Variants in TRDN observed in about 807,000 individuals in gnomAD.
TRDN encodes the protein triadin in skeletal muscle.
TRDN carries 161 observed loss-of-function variants against 149.7 expected under a neutral mutation model. The ratio of observed to expected loss-of-function variants is 1.08; its 90% CI spans 0.95 to 1.23. The LOEUF is 1.23. Among genes scored for constraint, TRDN ranks in the 50% most tolerant of loss-of-function variants. The pLI is 0.00. For missense variants in TRDN, 896 were observed against 823.5 expected, an observed-to-expected ratio of 1.09 and a Z score of -1.08; for synonymous variants, 294 against 250.5, an observed-to-expected ratio of 1.17 and a Z score of -1.64.
intron 5 of TRDN, among the ~76,000 whole-genome samples, chr6:123,526,303 T>TA (rs1417746172): frequency 1.3e-5 from 2 of 152,012 alleles, no homozygotes; most frequent in East Asian, 3.9e-4. Context: ...AACTGATAGA[T>TA]ATGTACAAAT....
intron 10 of TRDN, among the ~76,000 whole-genome samples, chr6:123,441,728 C>T (rs946042630): frequency 6.6e-6 from 1 of 152,180 alleles, no homozygotes; most frequent in Admixed American, 6.5e-5. Flanking sequence ...AGACAATACA[C>T]AATATTTAAT....
intron 20 of TRDN, among the ~76,000 whole-genome samples, chr6:123,364,410 G>A (rs942108456): frequency 1.3e-5 from 2 of 152,240 alleles, no homozygotes; most frequent in Admixed American, 6.5e-5. Context: ...AGGCTGAGGC[G>A]GGCAGATCAC....
chr6:123,569,723 G>A (rs940900041), intron 2 of TRDN, among the ~76,000 whole-genome samples: 1 of 151,972 alleles, frequency 6.6e-6, no homozygotes, highest in East Asian at 1.9e-4. Flanking sequence ...AGTGGAGCAG[G>A]GAGGTGCCAC....
chr6:123,452,006 A>T (rs556463125), intron 10 of TRDN, among the ~76,000 whole-genome samples: 2 of 152,318 alleles, frequency 1.3e-5, no homozygotes, highest in South Asian at 4.1e-4. Flanking sequence ...TCATATGATC[A>T]TCTCAATTGA....
At chr6:123,522,928 T>A (rs958993552) in intron 5 of TRDN, among the ~76,000 whole-genome samples, 4 of 152,084 alleles carry the variant, frequency 2.6e-5, no homozygotes, top group African/African-American at 9.7e-5. Flanking sequence ...CCATATCCCT[T>A]TGTTCATGGA....
At chr6:123,255,740 T>C (rs1776533300) in intron 36 of TRDN, 127 bp downstream of exon 36, 1 of 430,566 alleles carries the variant, frequency 2.3e-6, no homozygotes, top group African/African-American at 2.1e-5. Flanking sequence ...TTTCTTCTTT[T>C]ACTCAGGCTA....
chr6:123,560,697 C>T (rs190596596), intron 2 of TRDN, among the ~76,000 whole-genome samples: 4 of 152,300 alleles, frequency 2.6e-5, no homozygotes, highest in South Asian at 2.1e-4. Context: ...GCCACTCTCA[C>T]CCACTCCCTC....
rs192872743 is a variant in TRDN at position 123,438,150 on chromosome 6, C to A, written c.992-28G>T. ...GCTGGTAAAATAAGAAAGTTATAAG[C>A]CTTTACCTGTTTAACTTGCAAATAT... On this transcript the variant is annotated intron_variant, in intron 11 of 40. Transcript: ENST00000334268. 1.8e-4 allele frequency: 271 copies of A among 1,520,376 alleles called. No individual in the cohort carries two copies. In the East Asian group the frequency reaches 5.8e-3, roughly 33 times the overall value. The allele number at this position is 1,520,376 out of a possible 1,614,324, so 94.2% of individuals were successfully genotyped here.
intron 4 of TRDN, among the ~76,000 whole-genome samples, chr6:123,542,621 G>A (rs1172121900): frequency 6.6e-6 from 1 of 152,056 alleles, no homozygotes; most frequent in Non-Finnish European, 1.5e-5. Context: ...GTAAAAAGGA[G>A]ATAGAGATAG....
intron 10 of TRDN, among the ~76,000 whole-genome samples, chr6:123,461,531 C>A (rs929023461): frequency 6.6e-6 from 1 of 151,962 alleles, no homozygotes; most frequent in Non-Finnish European, 1.5e-5. Flanking sequence ...ACTAAATGCC[C>A]AATAATTACA....
intron 5 of TRDN, among the ~76,000 whole-genome samples, chr6:123,522,068 T>C (rs931697917): frequency 2.6e-5 from 4 of 152,140 alleles, no homozygotes; most frequent in African/African-American, 9.7e-5. Context: ...ATACACCCTA[T>C]TCCCGCTGTC....
intron 19 of TRDN, among the ~76,000 whole-genome samples, chr6:123,373,893 G>C (rs570176378): frequency 3.3e-5 from 5 of 152,240 alleles, no homozygotes; most frequent in African/African-American, 1.2e-4. Flanking sequence ...ATAATGATAT[G>C]TAATTTTCAT....
At chr6:123,244,862 A>G (rs1776116796) in intron 38 of TRDN, among the ~76,000 whole-genome samples, 1 of 152,216 alleles carries the variant, frequency 6.6e-6, no homozygotes, top group South Asian at 2.1e-4. Flanking sequence ...CAGGTCACCC[A>G]CAAAGGGAAG....
chr6:123,345,305 T>C lies in TRDN; in HGVS notation c.1369+7234A>G, dbSNP rs149859388. Among the ~76,000 whole-genome samples the C allele has an allele frequency of 3.6e-3, 551 of 152,176 alleles. 3 individuals are homozygous for C. Among genetic ancestry groups the C allele is most frequent in the Non-Finnish European group, 5.4e-3 (366 of 67,986 alleles). On this transcript the variant is annotated intron_variant, in intron 21 of 40. Coordinates refer to ENST00000334268, the MANE Select transcript of TRDN (RefSeq NM_006073.4). ...GTCCAGTTGTTGCAACACCAATTTG[T>C]TCAAAAGTCTATCCTTTCTCCAGCA...
chr6:123,284,496 G>A (rs995186343), intron 24 of TRDN, among the ~76,000 whole-genome samples: 17 of 151,876 alleles, frequency 1.1e-4, no homozygotes, highest in African/African-American at 4.1e-4. Flanking sequence ...AGCAAAATTG[G>A]CATACAGGGG....
intron 5 of TRDN, among the ~76,000 whole-genome samples, chr6:123,524,243 A>G (rs1195764887): frequency 6.6e-6 from 1 of 152,168 alleles, no homozygotes; most frequent in Non-Finnish European, 1.5e-5. Context: ...CATTTTCTGC[A>G]ATAGATGTTA....
At chr6:123,430,471 A>G (rs1774291596) in intron 12 of TRDN, among the ~76,000 whole-genome samples, 1 of 151,838 alleles carries the variant, frequency 6.6e-6, no homozygotes, top group South Asian at 2.1e-4. Flanking sequence ...AGTCCCAGCT[A>G]CTAGGGAGGC....
chr6:123,485,008 T>G (rs1343174684), intron 9 of TRDN, among the ~76,000 whole-genome samples: 1 of 152,146 alleles, frequency 6.6e-6, no homozygotes, highest in Non-Finnish European at 1.5e-5. Context: ...TCCAGTTACT[T>G]ACAGTGACTA....
rs79452842 is a variant in TRDN at position 123,446,959 on chromosome 6, G to A, written c.932-7956C>T. Among the ~76,000 whole-genome samples, 25 of 152,114 alleles carry A rather than the reference G, an allele frequency of 1.6e-4. No homozygotes were observed. The East Asian group carries it at 4.4e-3, about 27-fold the overall frequency. ...CCTCGGAATTTTATTTGGGACTCTG[G>A]AAGGCACGCAACTTTATAGCAACAT... On this transcript the variant is annotated intron_variant, in intron 10 of 40. Transcript: ENST00000334268.
Sources: gnomAD v4.1 joint callset for allele counts (sites outside exome capture counted in the v4.1 genomes callset) on GRCh38, gnomAD v4.1.1 for gene constraint, MANE v1.5 for transcripts, NCBI Gene and HGNC (gene_info 2026-07-23, HGNC 2026-07-21) for gene names.